Variants in SGCZ observed in about 807,000 individuals in gnomAD.
SGCZ encodes the protein zeta-sarcoglycan.
Under a neutral mutation model 41.3 loss-of-function variants are expected in SGCZ, and 40 were observed. The observed-to-expected ratio is 0.97, with a 90% CI of 0.75 to 1.26. The LOEUF (loss-of-function observed/expected upper bound fraction) is 1.26. SGCZ is among the 50% of genes most tolerant of loss of function. SGCZ has a pLI of 0.00. For synonymous variants in SGCZ, 206 were observed against 137.5 expected, an observed-to-expected ratio of 1.50 and a Z score of -3.49; for missense variants, 552 against 369.8, an observed-to-expected ratio of 1.49 and a Z score of -4.04.
intron 1 of SGCZ, among the ~76,000 whole-genome samples, chr8:14,751,667 G>A (rs1434565113): frequency 1.3e-5 from 2 of 152,070 alleles, no homozygotes; most frequent in African/African-American, 2.4e-5. Context: ...GAGAGGATTT[G>A]CCTCCCGAGT....
At chr8:14,114,511 C>A (rs150619764) in intron 5 of SGCZ, among the ~76,000 whole-genome samples, 2 of 151,948 alleles carry the variant, frequency 1.3e-5, no homozygotes, top group African/African-American at 2.4e-5. Flanking sequence ...GTTTCAAAAT[C>A]TGTTTGGACT....
chr8:14,146,873 AAAAAT>A (rs1338055463), intron 5 of SGCZ, among the ~76,000 whole-genome samples: 3 of 135,736 alleles, frequency 2.2e-5, no homozygotes, highest in Admixed American at 1.5e-4. Context: ...CTCCGTCTCA[AAAAAT>A]AAAAATAAAA....
chr8:14,755,152 T>G (rs1799619475), intron 1 of SGCZ, among the ~76,000 whole-genome samples: 1 of 152,184 alleles, frequency 6.6e-6, no homozygotes, highest in Non-Finnish European at 1.5e-5. Flanking sequence ...GTCTCACTTG[T>G]TTTAAGTCTT....
At chr8:14,835,717 A>T (rs563637196) in intron 1 of SGCZ, among the ~76,000 whole-genome samples, 1 of 152,340 alleles carries the variant, frequency 6.6e-6, no homozygotes, top group African/African-American at 2.4e-5. Context: ...CAACAGAAGC[A>T]CAGTGACTCT....
At chr8:15,189,964 T>G (rs1194605744) in intron 1 of SGCZ, among the ~76,000 whole-genome samples, 1 of 152,186 alleles carries the variant, frequency 6.6e-6, no homozygotes, top group East Asian at 1.9e-4. Flanking sequence ...AGCCTCACCT[T>G]GGTATTTCAG....
At chr8:14,570,080 A>T (rs1232586634) in intron 1 of SGCZ, among the ~76,000 whole-genome samples, 1 of 152,094 alleles carries the variant, frequency 6.6e-6, no homozygotes, top group Non-Finnish European at 1.5e-5. Flanking sequence ...CTAGCATCAA[A>T]TGAAATATTT....
chr8:14,389,579 G>C (rs959733624), intron 2 of SGCZ, among the ~76,000 whole-genome samples: 1 of 151,660 alleles, frequency 6.6e-6, no homozygotes, highest in Non-Finnish European at 1.5e-5. Context: ...ACTCTAATCA[G>C]GGTGAAAAAT....
At chr8:14,913,324 A>T (rs1396863014) in intron 1 of SGCZ, among the ~76,000 whole-genome samples, 1 of 152,104 alleles carries the variant, frequency 6.6e-6, no homozygotes, top group Non-Finnish European at 1.5e-5. Context: ...ATATCTAAAT[A>T]TCCAGAACAA....
chr8:15,089,816 T>C (rs969091790), intron 1 of SGCZ, among the ~76,000 whole-genome samples: 2 of 152,134 alleles, frequency 1.3e-5, no homozygotes, highest in African/African-American at 4.8e-5. Flanking sequence ...TGTTTCAATA[T>C]AGCTGTCAAA....
chr8:15,103,358 G>A (rs963750689), intron 1 of SGCZ, among the ~76,000 whole-genome samples: 4 of 151,762 alleles, frequency 2.6e-5, no homozygotes, highest in South Asian at 2.1e-4. Context: ...CAGAGATGGC[G>A]CCACTGCATT....
intron 1 of SGCZ, among the ~76,000 whole-genome samples, chr8:14,665,750 T>G (rs1447048176): frequency 6.6e-6 from 1 of 152,212 alleles, no homozygotes; most frequent in Non-Finnish European, 1.5e-5. Flanking sequence ...ATCTATATTT[T>G]CTTCTTCTAT....
chr8:14,760,313 T>C (rs1799821245), intron 1 of SGCZ, among the ~76,000 whole-genome samples: 1 of 152,190 alleles, frequency 6.6e-6, no homozygotes, highest in African/African-American at 2.4e-5. Flanking sequence ...TATAAATAAT[T>C]CATGGATGCT....
At chr8:14,840,760 G>A (rs1802874843) in intron 1 of SGCZ, among the ~76,000 whole-genome samples, 1 of 152,056 alleles carries the variant, frequency 6.6e-6, no homozygotes, top group Non-Finnish European at 1.5e-5. Flanking sequence ...ACCTAAAAAA[G>A]AAGGCATTTG....
intron 1 of SGCZ, among the ~76,000 whole-genome samples, chr8:14,701,670 A>G (rs1405431891): frequency 1.3e-5 from 2 of 151,770 alleles, no homozygotes; most frequent in African/African-American, 2.4e-5. Context: ...TTACGGCCCA[A>G]TGTCTTGTTC....
At chr8:14,158,463 T>C (rs953167415) in intron 5 of SGCZ, among the ~76,000 whole-genome samples, 1 of 152,094 alleles carries the variant, frequency 6.6e-6, no homozygotes, top group Non-Finnish European at 1.5e-5. Flanking sequence ...TGAGGGTTAG[T>C]CTGCCTCTCC....
chr8:14,940,498 A>C (rs1800235500), intron 1 of SGCZ, among the ~76,000 whole-genome samples: 1 of 152,166 alleles, frequency 6.6e-6, no homozygotes, highest in Non-Finnish European at 1.5e-5. Flanking sequence ...TTTCCTAAGT[A>C]AAATATATGT....
At chr8:14,603,654 C>A (rs1805660795) in intron 1 of SGCZ, among the ~76,000 whole-genome samples, 1 of 152,158 alleles carries the variant, frequency 6.6e-6, no homozygotes, top group Non-Finnish European at 1.5e-5. Context: ...CCCACAAATG[C>A]AATTTAGATA....
intron 1 of SGCZ, among the ~76,000 whole-genome samples, chr8:14,880,747 G>C (rs1456634139): frequency 6.6e-6 from 1 of 152,060 alleles, no homozygotes; most frequent in Non-Finnish European, 1.5e-5. Flanking sequence ...GGTGGGAATT[G>C]AACATTGAGA....
intron 4 of SGCZ, among the ~76,000 whole-genome samples, chr8:14,192,701 T>C (rs1007964042): frequency 6.6e-6 from 1 of 152,070 alleles, no homozygotes; most frequent in Middle Eastern, 3.2e-3. Flanking sequence ...ATTATATTTA[T>C]GCTATTTCAG....
Sources: gnomAD v4.1 joint callset for allele counts (sites outside exome capture counted in the v4.1 genomes callset) on GRCh38, gnomAD v4.1.1 for gene constraint, MANE v1.5 for transcripts, NCBI Gene and HGNC (gene_info 2026-07-23, HGNC 2026-07-21) for gene names.